The following GABRB3 variants were observed in gnomAD, a reference collection of about 807,000 sequenced individuals.
GABRB3 encodes gamma-aminobutyric acid receptor subunit beta-3.
In GABRB3, 14 loss-of-function variants were observed where a neutral mutation model predicts 52.1. The ratio of observed to expected loss-of-function variants is 0.27; its 90% CI spans 0.18 to 0.42. The LOEUF (loss-of-function observed/expected upper bound fraction) is 0.42, where lower values mean the gene tolerates loss of function less well. Among genes scored for constraint, GABRB3 ranks in the 10% least tolerant of loss-of-function variants. The probability of loss-of-function intolerance (pLI) is 1.00; values close to 1 mark genes in which losing one functional copy is unlikely to be tolerated. For missense variants in GABRB3, 307 were observed against 609.1 expected, an observed-to-expected ratio of 0.50 and a Z score of 5.22; for synonymous variants, 260 against 232.3, an observed-to-expected ratio of 1.12 and a Z score of -1.08.
chr15:26,565,070 C>CT (rs1226218651), intron 7 of GABRB3, among the ~76,000 whole-genome samples: 1 of 152,176 alleles, frequency 6.6e-6, no homozygotes, highest in African/African-American at 2.4e-5. Flanking sequence ...TGCTGTGAGT[C>CT]TTCTCCAGAA....
chr15:26,573,948 G>A (rs535311157), intron 6 of GABRB3, among the ~76,000 whole-genome samples: 1 of 152,286 alleles, frequency 6.6e-6, no homozygotes, highest in South Asian at 2.1e-4. Context: ...GTACTTAGGA[G>A]TCTGAGATGA....
intron 8 of GABRB3, among the ~76,000 whole-genome samples, chr15:26,550,946 G>A (rs17117094): frequency 0.049 from 7,491 of 152,228 alleles, 605 homozygotes; most frequent in African/African-American, 0.17. Context: ...CTCAAAGAAC[G>A]AGTAGAAATT....
At chr15:26,552,238 C>T (rs578074597) in intron 8 of GABRB3, among the ~76,000 whole-genome samples, 75 of 152,164 alleles carry the variant, frequency 4.9e-4, no homozygotes, top group African/African-American at 1.8e-3. Flanking sequence ...AACTCCCGAC[C>T]TCAGGTGATC....
chr15:26,583,269 A>G (rs1890854088), intron 5 of GABRB3, 63 bp downstream of exon 5: 7 of 1,380,710 alleles, frequency 5.1e-6, no homozygotes, highest in South Asian at 1.2e-5. Context: ...AAGATGCTAA[A>G]TAATGACAAA....
At chr15:26,556,674 G>A (rs1048816877) in intron 8 of GABRB3, among the ~76,000 whole-genome samples, 1 of 148,724 alleles carries the variant, frequency 6.7e-6, no homozygotes, top group Non-Finnish European at 1.5e-5. Flanking sequence ...GTGAATATGT[G>A]AATGTCTTAA....
intron 5 of GABRB3, 68 bp from the exon 6 acceptor site, chr15:26,580,524 A>G: frequency 6.3e-7 from 1 of 1,591,932 alleles, no homozygotes; most frequent in Non-Finnish European, 8.6e-7. Context: ...TAAATAAACT[A>G]TCATTAACAT....
chr15:26,758,513 C>G (rs1890723354), intron 3 of GABRB3, among the ~76,000 whole-genome samples: 1 of 152,160 alleles, frequency 6.6e-6, no homozygotes, highest in Admixed American at 6.5e-5. Context: ...ATAAAGCCAT[C>G]ACTGCTTATC....
chr15:26,751,668 C>T (rs1890511934), intron 3 of GABRB3, among the ~76,000 whole-genome samples: 1 of 151,850 alleles, frequency 6.6e-6, no homozygotes, highest in Admixed American at 6.5e-5. Context: ...TGTTGGGGGA[C>T]CCCTCATAAG....
At chr15:26,607,610 A>C in intron 4 of GABRB3, among the ~76,000 whole-genome samples, 1 of 138,732 alleles carries the variant, frequency 7.2e-6, no homozygotes, top group East Asian at 2.0e-4. Flanking sequence ...AAACAAAACA[A>C]AACAGTTAAG....
intron 3 of GABRB3, among the ~76,000 whole-genome samples, chr15:26,691,658 G>A (rs1049410345): frequency 2.0e-5 from 3 of 152,146 alleles, no homozygotes; most frequent in African/African-American, 7.2e-5. Context: ...CAAGAAATAA[G>A]GTTACTTATC....
At chr15:26,758,765 G>C (rs1746133646) in intron 3 of GABRB3, among the ~76,000 whole-genome samples, 1 of 149,292 alleles carries the variant, frequency 6.7e-6, no homozygotes, top group East Asian at 1.9e-4. Context: ...ACTTCTGAAA[G>C]AGAAAAAGAA....
At chr15:26,605,359 C>T (rs921315945) in intron 4 of GABRB3, among the ~76,000 whole-genome samples, 2 of 152,062 alleles carry the variant, frequency 1.3e-5, no homozygotes, top group African/African-American at 4.8e-5. Flanking sequence ...TTGGAGGTGC[C>T]TCAAAAAACT....
chr15:26,571,931 C>T (rs1368697044), intron 6 of GABRB3, among the ~76,000 whole-genome samples: 1 of 151,612 alleles, frequency 6.6e-6, no homozygotes, highest in Non-Finnish European at 1.5e-5. Context: ...GCCTATAATC[C>T]CAGCACTCAA....
chr15:26,607,271 TTTATC>T (rs1270262634), intron 4 of GABRB3, among the ~76,000 whole-genome samples: 2 of 152,142 alleles, frequency 1.3e-5, no homozygotes, highest in Non-Finnish European at 2.9e-5. Flanking sequence ...AAGTTTTACT[TTTATC>T]TATGTATATC....
chr15:26,768,636 T>C (rs1891060655), intron 3 of GABRB3, among the ~76,000 whole-genome samples: 1 of 152,178 alleles, frequency 6.6e-6, no homozygotes, highest in Non-Finnish European at 1.5e-5. Context: ...ACAGTGTTAT[T>C]GGACATACGC....
intron 3 of GABRB3, among the ~76,000 whole-genome samples, chr15:26,707,132 A>G (rs1212822950): frequency 6.6e-6 from 1 of 152,234 alleles, no homozygotes; most frequent in Non-Finnish European, 1.5e-5. Context: ...CCACAGGATC[A>G]TAAGAGAGAA....
At chr15:26,569,984 C>T (rs1322781207) in intron 6 of GABRB3, among the ~76,000 whole-genome samples, 1 of 152,178 alleles carries the variant, frequency 6.6e-6, no homozygotes, top group Non-Finnish European at 1.5e-5. Flanking sequence ...CATTGAAACA[C>T]TTTATATGCT....
chr15:26,665,996 A>G (rs1010406466), intron 3 of GABRB3, among the ~76,000 whole-genome samples: 1 of 152,194 alleles, frequency 6.6e-6, no homozygotes, highest in Non-Finnish European at 1.5e-5. Flanking sequence ...CAGATAATCC[A>G]AAGTAGAAAC....
intron 3 of GABRB3, among the ~76,000 whole-genome samples, chr15:26,737,634 T>C (rs912747472): frequency 7.2e-5 from 11 of 152,144 alleles, no homozygotes; most frequent in African/African-American, 2.7e-4. Context: ...TGTGTGTGTG[T>C]GTGCGTGTGT....
Sources: allele counts gnomAD v4.1 joint callset (sites outside exome capture counted in the v4.1 genomes callset), GRCh38; gene constraint gnomAD v4.1.1; transcripts MANE v1.5; gene names NCBI Gene and HGNC (gene_info 2026-07-23, HGNC 2026-07-21).